The following ACOT8 variants were observed in gnomAD, a reference collection of about 807,000 sequenced individuals.
ACOT8 encodes acyl-coenzyme A thioesterase 8.
A neutral mutation model predicts 38.4 loss-of-function variants in ACOT8; 31 were observed. The ratio of observed to expected loss-of-function variants is 0.81; its 90% confidence interval spans 0.61 to 1.09. The LOEUF is 1.09. Among genes scored for constraint, ACOT8 ranks in the 50% least tolerant of loss-of-function variants. The probability of loss-of-function intolerance (pLI) is 0.00; values close to 1 mark genes in which losing one functional copy is unlikely to be tolerated. For synonymous variants in ACOT8, 158 were observed against 170.3 expected, an observed-to-expected ratio of 0.93 and a Z score of 0.56; for missense variants, 373 against 421.8, an observed-to-expected ratio of 0.88 and a Z score of 1.01.
chr20:45,843,529 G>T lies in ACOT8; in HGVS notation c.839C>A (p.Ala280Asp), dbSNP rs1173282649. Reference sequence around the variant, plus strand: ...GTCCCACACGGCCCCACACTCACCGGCCCAGGGGCTCTCGCATTCATAGAG... The same window carrying T: ...GTCCCACACGGCCCCACACTCACCGTCCCAGGGGCTCTCGCATTCATAGAG... ...WMLYECESPW[A>D]GGSRGLVHGR... Residue 280 changes from alanine (A) to aspartate (D), a missense_variant and splice_region_variant, in exon 5 of 6, where the codon GCC (alanine) becomes GAC (aspartate). Coordinates refer to ENST00000217455, the MANE Select transcript of ACOT8 (RefSeq NM_005469.4). 1.2e-6 allele frequency: 2 copies of T among 1,608,390 alleles called. No homozygotes were observed. Among genetic ancestry groups the T allele is most frequent in the African/African-American group, 2.7e-5 (2 of 74,802 alleles).
intron 4 of ACOT8, 106 bp downstream of exon 4, chr20:45,844,157 A>G: frequency 6.8e-7 from 1 of 1,474,328 alleles, no homozygotes; most frequent in Non-Finnish European, 9.4e-7. Context: ...TCATGCAGAT[A>G]AGGAAACAGG....
chr20:45,845,546 T>A (rs1453311014), intron 3 of ACOT8, among the ~76,000 whole-genome samples: 1 of 152,224 alleles, frequency 6.6e-6, no homozygotes, highest in Middle Eastern at 3.4e-3. Context: ...TTGGCCTGAG[T>A]TACCAAACCC....
chr20:45,853,899 G>A (rs1427794004), intron 2 of ACOT8: 1 of 1,298,288 alleles, frequency 7.7e-7, no homozygotes, highest in Non-Finnish European at 1.0e-6. Flanking sequence ...AAACCCCATG[G>A]TTTTCTTAAT....
chr20:45,845,883 A>C (rs564038477), intron 3 of ACOT8, among the ~76,000 whole-genome samples: 5 of 148,168 alleles, frequency 3.4e-5, no homozygotes, highest in African/African-American at 1.3e-4. Context: ...CCCAGTCAGG[A>C]GTGCAGTGAC....
rs150217048 is a variant in ACOT8, at chr20:45,848,798, A to G, written c.263-123T>C. On this transcript the variant is annotated intron_variant, in intron 2 of 5. Transcript: ENST00000217455. ...CAGTGACTACTAACTGAGGTCTGCT[A>G]AGGTCCAGGCCCAGGGATACAGAGA... is the stretch of plus-strand genomic sequence containing the variant. The G allele has an allele frequency of 9.9e-4, 870 of 877,706 alleles. 10 individuals carry two copies. The East Asian group carries it at 0.023, about 23-fold the overall frequency. 54.4% of individuals were successfully genotyped at this position (877,706 alleles called of 1,614,324 possible).
intron 2 of ACOT8, among the ~76,000 whole-genome samples, chr20:45,852,662 C>A (rs1985142579): frequency 6.6e-6 from 1 of 152,210 alleles, no homozygotes; most frequent in Non-Finnish European, 1.5e-5. Context: ...TTACTACTGG[C>A]CTAATGTCCT....
At chr20:45,843,126 T>C in intron 5 of ACOT8, 1 of 1,012,910 alleles carries the variant, frequency 9.9e-7, no homozygotes, top group South Asian at 1.7e-5. Flanking sequence ...AATCAGAATC[T>C]ATTTTGAAAA....
At chr20:45,850,208 AC>A (rs1340140855) in intron 2 of ACOT8, among the ~76,000 whole-genome samples, 2 of 152,156 alleles carry the variant, frequency 1.3e-5, no homozygotes, top group Non-Finnish European at 2.9e-5. Context: ...AAATTGCACC[AC>A]TGCACTCCAG....
Position 45,842,022 on chromosome 20 carries a change from T to C in ACOT8, c.842-66A>G, listed in dbSNP as rs1291359874. 3.8e-6 allele frequency: 6 copies of C among 1,577,286 alleles called. No individual in the cohort carries two copies. Among genetic ancestry groups the C allele is most frequent in the Non-Finnish European group, 3.4e-6 (4 of 1,163,856 alleles). On this transcript the variant is annotated intron_variant, in intron 5 of 5. Transcript: ENST00000217455. ...CAGCCAAATACACTTTTTTTTTTTT[T>C]CCTGAAACAGAGTCTCACTAAGTTG...
In ACOT8 at chr20:45,855,259, C is replaced by G; in HGVS notation, c.162G>C (p.Leu54=). Residue 54 remains leucine (L), a synonymous_variant, in exon 2 of 6, where the codon CTG becomes CTC. Coordinates refer to ENST00000217455, the MANE Select transcript of ACOT8 (RefSeq NM_005469.4). ...GRHYWVPAKR[L]FGGQIVGQAL... ...CCTGGCCCACGATCTGACCACCAAA[C>G]AGCCTCTTGGCCGGTACCCAGTAAT... The G allele has an allele frequency of 6.2e-7, 1 of 1,614,178 alleles. No homozygotes were observed. Among genetic ancestry groups the G allele is most frequent in the South Asian group, 1.1e-5 (1 of 91,090 alleles).
At chr20:45,843,769 G>A (rs759885718) in intron 4 of ACOT8, 48 bp from the exon 5 acceptor site, 1 of 1,595,444 alleles carries the variant, frequency 6.3e-7, no homozygotes, top group Non-Finnish European at 8.6e-7. Flanking sequence ...TTCCAGCTCA[G>A]GACCTGCACG....
chr20:45,852,098 T>A (rs887404767), intron 2 of ACOT8, among the ~76,000 whole-genome samples: 1 of 152,096 alleles, frequency 6.6e-6, no homozygotes, highest in Non-Finnish European at 1.5e-5. Context: ...CAAGCAATTC[T>A]CCTTGCCTCA....
chr20:45,852,127 C>A (rs998103892), intron 2 of ACOT8, among the ~76,000 whole-genome samples: 1 of 151,880 alleles, frequency 6.6e-6, no homozygotes, highest in Non-Finnish European at 1.5e-5. Flanking sequence ...CTCAGCCTCC[C>A]GAGTAGCTGG....
intron 2 of ACOT8, 60 bp downstream of exon 2, chr20:45,855,099 A>G (rs949592311): frequency 9.4e-6 from 15 of 1,598,802 alleles, no homozygotes; most frequent in African/African-American, 2.7e-5. Flanking sequence ...TCAGCCCCCA[A>G]GGCCAGAAAT....
intron 2 of ACOT8, chr20:45,853,847 A>G: frequency 9.0e-7 from 1 of 1,109,152 alleles, no homozygotes; most frequent in South Asian, 1.3e-5. Context: ...AAGTGTATTT[A>G]CCATTACAGG....
chr20:45,842,037 T>C (rs3848713), intron 5 of ACOT8, 81 bp from the exon 6 acceptor site: 933,691 of 1,558,224 alleles, frequency 0.6, 282,822 homozygotes, highest in Admixed American at 0.67. Flanking sequence ...AAACAGAGTC[T>C]CACTAAGTTG....
intron 2 of ACOT8, among the ~76,000 whole-genome samples, chr20:45,852,102 TGCCTCAGCCTCA>T (rs745307455): frequency 2.0e-5 from 3 of 151,986 alleles, no homozygotes; most frequent in South Asian, 2.1e-4. Context: ...CAATTCTCCT[TGCCTCAGCCTCA>T]GCCTCAGCCT....
chr20:45,855,397 G>T, intron 1 of ACOT8, 105 bp from the exon 2 acceptor site: 1 of 1,428,940 alleles, frequency 7.0e-7, no homozygotes, highest in East Asian at 2.3e-5. Flanking sequence ...TGGGGTTTAA[G>T]ATCCTTTTGA....
chr20:45,852,902 G>A (rs1051496926), intron 2 of ACOT8, among the ~76,000 whole-genome samples: 2 of 152,108 alleles, frequency 1.3e-5, no homozygotes, highest in African/African-American at 4.8e-5. Flanking sequence ...CTGAGTAGCT[G>A]GGACTACAGG....
Sources: allele counts gnomAD v4.1 joint callset (sites outside exome capture counted in the v4.1 genomes callset), GRCh38; gene constraint gnomAD v4.1.1; transcripts MANE v1.5; gene names NCBI Gene and HGNC (gene_info 2026-07-23, HGNC 2026-07-21).